The following NEURL1 variants were observed in gnomAD, a reference collection of about 807,000 sequenced individuals.
NEURL1 encodes neuralized E3 ubiquitin protein ligase 1, also known as E3 ubiquitin-protein ligase NEURL1.
A neutral mutation model predicts 41.2 loss-of-function variants in NEURL1; 26 were observed. The observed-to-expected ratio is 0.63, with a 90% CI of 0.46 to 0.87. NEURL1 has a LOEUF of 0.87. Among genes scored for constraint, NEURL1 ranks in the 40% least tolerant of loss-of-function variants. The probability of loss-of-function intolerance (pLI) is 0.00; values close to 1 mark genes in which losing one functional copy is unlikely to be tolerated. For synonymous variants in NEURL1, 400 were observed against 402.3 expected (o/e 0.99, Z 0.07); for missense variants, 761 against 871.1 (o/e 0.87, Z 1.59).
At chr10:103,560,597 C>T (rs889180148) in intron 1 of NEURL1, among the ~76,000 whole-genome samples, 2 of 152,150 alleles carry the variant, frequency 1.3e-5, no homozygotes, top group Admixed American at 1.3e-4. Flanking sequence ...ACCTGCCGTT[C>T]GCATGCCAGG....
chr10:103,524,486 G>A lies in NEURL1; in HGVS notation c.85+30014G>A, dbSNP rs374407270. Among the ~76,000 whole-genome samples the A allele has an allele frequency of 1.9e-4, 29 of 152,118 alleles. 1 individual carries two copies. Among genetic ancestry groups the A allele is most frequent in the African/African-American group, 5.3e-4 (22 of 41,502 alleles). On this transcript the variant is annotated intron_variant, in intron 1 of 5. Coordinates refer to ENST00000369780, the MANE Select transcript of NEURL1 (RefSeq NM_004210.5). ...TTGTCTACTTTTGCTTTTGTTGCCCGTGCTTTGAGGTTTTCTTTATAAAAT... is the reference window on the plus strand; with the variant it reads ...TTGTCTACTTTTGCTTTTGTTGCCCATGCTTTGAGGTTTTCTTTATAAAAT...
intron 1 of NEURL1, among the ~76,000 whole-genome samples, chr10:103,535,907 T>A (rs1486377896): frequency 6.6e-6 from 1 of 152,174 alleles, no homozygotes; most frequent in Non-Finnish European, 1.5e-5. Flanking sequence ...GTTGTTCCAA[T>A]TCCAAGATGG....
chr10:103,574,981 C>T (rs1455383541), intron 3 of NEURL1, among the ~76,000 whole-genome samples: 1 of 121,010 alleles, frequency 8.3e-6, no homozygotes, highest in South Asian at 3.3e-4. Context: ...TTCATTTATT[C>T]TTCCTGAATT....
Position 103,590,899 on chromosome 10 carries a change from C to T in NEURL1, c.*527C>T, listed in dbSNP as rs1314709051. On this transcript the variant is annotated 3_prime_UTR_variant, in exon 6 of 6. Transcript: ENST00000369780. The stretch of plus-strand genomic sequence containing the variant: ...TGCTCAACAACCGCCCTGGGCAGGC[C>T]GCTCCTGAGCTGCTGTCTCCCTCTC... The T allele has an allele frequency of 1.3e-5, 2 of 155,104 alleles. No individual in the cohort carries two copies. Among genetic ancestry groups the T allele is most frequent in the African/African-American group, 2.4e-5 (1 of 41,482 alleles). 9.6% of individuals were successfully genotyped at this position (155,104 alleles called of 1,614,324 possible).
chr10:103,523,191 A>C (rs2034391886), intron 1 of NEURL1, among the ~76,000 whole-genome samples: 1 of 152,150 alleles, frequency 6.6e-6, no homozygotes, highest in Non-Finnish European at 1.5e-5. Context: ...TTGGTGGCTC[A>C]AGCTTGTAAT....
At chr10:103,525,626 T>G (rs1349394136) in intron 1 of NEURL1, among the ~76,000 whole-genome samples, 1 of 152,204 alleles carries the variant, frequency 6.6e-6, no homozygotes, top group Non-Finnish European at 1.5e-5. Flanking sequence ...AGTGCTGGGA[T>G]TACAGGTGTG....
At chr10:103,499,407 C>CCCTT (rs1006217042) in intron 1 of NEURL1, among the ~76,000 whole-genome samples, 6 of 150,584 alleles carry the variant, frequency 4.0e-5, no homozygotes, top group East Asian at 2.0e-4. Context: ...CTCCTTCCCT[C>CCCTT]CCTTCCTTCC....
rs1056998779 is a variant in NEURL1, at chr10:103,590,624, C to T, written c.*252C>T. The T allele has an allele frequency of 2.8e-5, 15 of 544,634 alleles. No individual in the cohort carries two copies. In the Middle Eastern group the frequency reaches 2.0e-3, roughly 71 times the overall value. The allele number at this position is 544,634 out of a possible 1,614,324, so 33.7% of individuals were successfully genotyped here. A position where few individuals can be genotyped will look rare whatever the true frequency, so the allele number is the denominator to read the frequency against. Reference sequence around the variant, plus strand: ...ACTCTCCCTGTCTCTCCCGTCTCTGCACCCAGCTCCTCTCTGCATGCTGAG... The same window carrying T: ...ACTCTCCCTGTCTCTCCCGTCTCTGTACCCAGCTCCTCTCTGCATGCTGAG... On this transcript the variant is annotated 3_prime_UTR_variant, in exon 6 of 6. Coordinates refer to ENST00000369780, the MANE Select transcript of NEURL1 (RefSeq NM_004210.5).
chr10:103,555,848 G>C (rs1223804283), intron 1 of NEURL1, among the ~76,000 whole-genome samples: 1 of 152,210 alleles, frequency 6.6e-6, no homozygotes, highest in East Asian at 1.9e-4. Flanking sequence ...CCTGCTTGTC[G>C]GCTCTGGGAT....
intron 1 of NEURL1, among the ~76,000 whole-genome samples, chr10:103,570,387 G>A (rs1393394233): frequency 1.3e-5 from 2 of 152,172 alleles, no homozygotes; most frequent in Non-Finnish European, 2.9e-5. Flanking sequence ...TGACAGCCCC[G>A]AGGACAGGAT....
At chr10:103,528,198 A>G (rs2034500390) in intron 1 of NEURL1, among the ~76,000 whole-genome samples, 2 of 152,206 alleles carry the variant, frequency 1.3e-5, no homozygotes, top group Non-Finnish European at 2.9e-5. Context: ...TCTACTAAAA[A>G]TACAAAAATT....
rs931584684 is a variant in NEURL1, at chr10:103,585,006, C to T, written c.1120C>T (p.Pro374Ser). The T allele has an allele frequency of 2.9e-5, 46 of 1,575,552 alleles. No homozygotes were observed. Among genetic ancestry groups the T allele is most frequent in the Non-Finnish European group, 3.8e-5 (44 of 1,169,376 alleles). Residue 374 changes from proline (P) to serine (S), a missense_variant, in exon 4 of 6, where the codon CCT becomes TCT. Around this residue, in one of 5 missense-constraint regions of NEURL1, gnomAD observed 443 missense variants for 408.1 expected, o/e 1.09. Transcript: ENST00000369780. ...TLRPADLPFS[P>S]EALVDRKEFW... ...GCGGCCGGCCGACCTGCCTTTCAGC[C>T]CTGAGGCCCTGGTGGACCGCAAGGA... is the stretch of plus-strand genomic sequence containing the variant.
At chr10:103,541,750 T>C (rs755836755) in intron 1 of NEURL1, among the ~76,000 whole-genome samples, 6 of 152,224 alleles carry the variant, frequency 3.9e-5, no homozygotes, top group Non-Finnish European at 7.3e-5. Flanking sequence ...GCCTATCTAT[T>C]GCAATAACAA....
chr10:103,497,278 G>A (rs913413990), intron 1 of NEURL1, among the ~76,000 whole-genome samples: 6 of 152,188 alleles, frequency 3.9e-5, no homozygotes, highest in African/African-American at 1.4e-4. Context: ...TTCTAATTGT[G>A]TTGGTGTTGA....
At chr10:103,506,023 T>A (rs1403336464) in intron 1 of NEURL1, among the ~76,000 whole-genome samples, 3 of 152,002 alleles carry the variant, frequency 2.0e-5, no homozygotes, top group Non-Finnish European at 4.4e-5. Flanking sequence ...GAGGGAAGTA[T>A]GTCTGCTGGC....
chr10:103,544,980 T>G (rs766949008), intron 1 of NEURL1, among the ~76,000 whole-genome samples: 4 of 152,200 alleles, frequency 2.6e-5, no homozygotes, highest in African/African-American at 7.2e-5. Context: ...AAGGCTTTGC[T>G]TTCTCAATGA....
chr10:103,587,273 A>G (rs1000201120), intron 4 of NEURL1, among the ~76,000 whole-genome samples: 18 of 152,366 alleles, frequency 1.2e-4, no homozygotes, highest in Middle Eastern at 6.8e-3. Context: ...TTCCCTCAGC[A>G]CCATCTAATA....
chr10:103,558,464 G>T lies in NEURL1; in HGVS notation c.86-12408G>T, dbSNP rs540971096. Among the ~76,000 whole-genome samples, 2 of 151,852 alleles carry T rather than the reference G, an allele frequency of 1.3e-5. No individual in the cohort carries two copies. The highest frequency in any genetic ancestry group is 2.9e-5 in the Non-Finnish European group (2 of 67,998). On this transcript the variant is annotated intron_variant, in intron 1 of 5. Transcript: ENST00000369780. This position sits in a 1 kb window ranked among gnomAD's most constrained non-coding sequence, Gnocchi z 4.2. ...TTGCCGGGCCTGTGTTTCCATGCGG[G>T]GGCAGCCACATCTGTGGTACTCTGT...
At chr10:103,581,484 A>G (rs2035782491) in intron 3 of NEURL1, among the ~76,000 whole-genome samples, 1 of 152,184 alleles carries the variant, frequency 6.6e-6, no homozygotes, top group African/African-American at 2.4e-5. Flanking sequence ...TTCACTGCTG[A>G]AGAGGCCCCA....
Sources: allele counts gnomAD v4.1 joint callset (sites outside exome capture counted in the v4.1 genomes callset), GRCh38; gene constraint gnomAD v4.1.1; regional missense constraint gnomAD v4.1.1; non-coding constraint Gnocchi (gnomAD v3.1); transcripts MANE v1.5; gene names NCBI Gene and HGNC (gene_info 2026-07-23, HGNC 2026-07-21).